The following SFTPC variants were observed in gnomAD, a reference collection of about 807,000 sequenced individuals.
The protein encoded by SFTPC is BRICHOS domain containing 6.
A neutral mutation model predicts 19.9 loss-of-function variants in SFTPC; 12 were observed. The observed-to-expected ratio is 0.60, with a 90% CI of 0.39 to 0.98. SFTPC has a LOEUF of 0.98. Ranked by LOEUF, SFTPC falls within the 50% of genes least tolerant of loss-of-function variation. The pLI, the probability that SFTPC is intolerant of heterozygous loss-of-function variation, is 0.00. For missense variants in SFTPC, 219 were observed against 252.2 expected (o/e 0.87, Z 0.89); for synonymous variants, 123 against 103.3 (o/e 1.19, Z -1.16).
chr8:22,158,108 G>T (rs1156300117), upstream of SFTPC, among the ~76,000 whole-genome samples: 1 of 152,220 alleles, frequency 6.6e-6, no homozygotes, highest in African/African-American at 2.4e-5. Flanking sequence ...GAGCCTGGCT[G>T]TCAGCTGCCT....
chr8:22,161,932 C>A, intron 1 of SFTPC, 62 bp downstream of exon 1: 1 of 1,462,616 alleles, frequency 6.8e-7, no homozygotes, highest in Non-Finnish European at 9.6e-7. Flanking sequence ...ATGGGCCCTG[C>A]CTCCTCTATC....
At chr8:22,161,147 C>A (rs144622012), upstream of SFTPC, among the ~76,000 whole-genome samples, 1 of 152,164 alleles carries the variant, frequency 6.6e-6, no homozygotes, top group East Asian at 1.9e-4. Flanking sequence ...GAGCTTGCCA[C>A]CAGTGGGGAC....
intron 1 of SFTPC, among the ~76,000 whole-genome samples, chr8:22,162,172 G>A (rs1333379418): frequency 1.3e-5 from 2 of 152,130 alleles, no homozygotes; most frequent in African/African-American, 2.4e-5. Flanking sequence ...AACCACATAC[G>A]AGCTGGAGCC....
intron 1 of SFTPC, 135 bp from the exon 2 acceptor site, chr8:22,162,439 A>T (rs936322215): frequency 1.0e-6 from 1 of 961,000 alleles, no homozygotes; most frequent in Non-Finnish European, 1.7e-6. Flanking sequence ...TGATCTCCTC[A>T]GCCCTTCCCT....
At position 22,163,468 on chromosome 8, in the gene SFTPC, C is replaced by A; in HGVS notation, c.357C>A (p.Thr119=). 6.2e-7 allele frequency: 1 copy of A among 1,614,124 alleles called. No homozygotes were observed. Among genetic ancestry groups the A allele is most frequent in the South Asian group, 1.1e-5 (1 of 91,076 alleles). Residue 119 remains threonine (T), a synonymous_variant, in exon 4 of 6, where the codon ACC becomes ACA. Transcript: ENST00000679463. ...TCGCCTACAAGCCAGCCCCTGGCAC[C>A]TGCTGCTACATCATGAAGATAGCTC... The part of the protein sequence containing the change: ...LLIAYKPAPG[T]CCYIMKIAPE...
rs937449391 is a variant in SFTPC, at chr8:22,164,054, G to A, written c.*13G>A. 1 of 1,611,786 alleles carries A rather than the reference G, an allele frequency of 6.2e-7. No homozygotes were observed. The highest frequency in any genetic ancestry group is 1.3e-5 in the African/African-American group (1 of 75,016). ...CTACTACATCTAGGACGCCTCCGGTGAGCAGGTGTGATCCCAGGGCCCCTG... is the reference window on the plus strand; with the variant it reads ...CTACTACATCTAGGACGCCTCCGGTAAGCAGGTGTGATCCCAGGGCCCCTG... On this transcript the variant is annotated 3_prime_UTR_variant, in exon 5 of 6. Coordinates refer to ENST00000679463, the MANE Select transcript of SFTPC (RefSeq NM_001317778.2).
In SFTPC at chr8:22,164,421, G is replaced by A. The variant is rs1139547; in HGVS notation, c.*174G>A. On this transcript the variant is annotated 3_prime_UTR_variant, in exon 6 of 6. Coordinates refer to ENST00000679463, the MANE Select transcript of SFTPC (RefSeq NM_001317778.2). ...GAGGATGGGAGTGGGCAGAGGTGGCGCCCAGGGGCCCGGGAACTCCTGCCA... is the reference window on the plus strand; with the variant it reads ...GAGGATGGGAGTGGGCAGAGGTGGCACCCAGGGGCCCGGGAACTCCTGCCA... The A allele has an allele frequency of 0.3, 447,359 of 1,496,792 alleles. 68,270 individuals are homozygous for A. Among genetic ancestry groups the A allele is most frequent in the East Asian group, 0.32 (12,991 of 40,556 alleles). 92.7% of individuals were successfully genotyped at this position (1,496,792 alleles called of 1,614,324 possible).
At position 22,163,500 on chromosome 8, in the gene SFTPC, G is replaced by A. The variant is rs762396570; in HGVS notation, c.389G>A (p.Ser130Asn). 4 of 1,614,032 alleles carry A rather than the reference G, an allele frequency of 2.5e-6. No individual in the cohort carries two copies. Among genetic ancestry groups the A allele is most frequent in the Non-Finnish European group, 2.5e-6 (3 of 1,179,998 alleles). The change falls in exon 4 of 6, where the codon AGC becomes AAC. Residue 130 changes from serine to asparagine, a missense_variant. Ser to Asn is a conservative substitution (Grantham distance 46). Coordinates refer to ENST00000679463, the MANE Select transcript of SFTPC (RefSeq NM_001317778.2). ...CCYIMKIAPE[S>N]IPSLEALTRK... ...TACATCATGAAGATAGCTCCAGAGA[G>A]CATCCCCAGTCTTGAGGCTCTCACT... is the stretch of plus-strand genomic sequence containing the variant.
upstream of SFTPC, chr8:22,159,553 T>A: frequency 2.7e-6 from 1 of 365,304 alleles, no homozygotes; most frequent in Non-Finnish European, 5.4e-6. Context: ...CAAGCAAAAA[T>A]GGGTTTAAAA....
rs11552817 is a variant in SFTPC, at chr8:22,164,361, C to T, written c.*114C>T. 1 of 1,535,820 alleles carries T rather than the reference C, an allele frequency of 6.5e-7. No homozygotes were observed. The highest frequency in any genetic ancestry group is 8.7e-7 in the Non-Finnish European group (1 of 1,146,754). ...CAAGAAGCTGCTTCTGCCCACACCG[C>T]AGGGACAAGCCCTGGAGAAATGGGA... On this transcript the variant is annotated 3_prime_UTR_variant, in exon 6 of 6. Coordinates refer to ENST00000679463, the MANE Select transcript of SFTPC (RefSeq NM_001317778.2).
rs1438227181 is a variant in SFTPC at position 22,163,441 on chromosome 8, G to A, written c.330G>A (p.Leu110=). The change falls in exon 4 of 6, where the codon CTG becomes CTA. Residue 110 remains leucine, a synonymous_variant. Transcript: ENST00000679463. The stretch of plus-strand genomic sequence containing the variant: ...CTCCAGCATTCTGTGCCTAGCTGCT[G>A]ATCGCCTACAAGCCAGCCCCTGGCA... ...GLVVYDYQQL[L]IAYKPAPGTC... The A allele has an allele frequency of 4.3e-6, 7 of 1,613,548 alleles. No individual in the cohort carries two copies. The South Asian group carries it at 7.7e-5, about 18-fold the overall frequency.
chr8:22,161,606 G>C, upstream of SFTPC: 12 of 1,429,772 alleles, frequency 8.4e-6, no homozygotes, highest in Non-Finnish European at 1.1e-5. Context: ...CTGGGGCCAA[G>C]AGGACTCATG....
At chr8:22,163,321 G>A in intron 3 of SFTPC, 115 bp from the exon 4 acceptor site, 2 of 1,542,392 alleles carry the variant, frequency 1.3e-6, no homozygotes, top group Non-Finnish European at 1.8e-6. Flanking sequence ...TTTTGCCTGA[G>A]CCCCAGATTC....
chr8:22,160,612 C>CAACAA (rs75669198), upstream of SFTPC, among the ~76,000 whole-genome samples: 8,174 of 151,808 alleles, frequency 0.054, 406 homozygotes, highest in Non-Finnish European at 0.068. Context: ...CCCTGTCTCA[C>CAACAA]AACAAAACAA....
rs371998882 is a variant in SFTPC, at chr8:22,162,735, G to A, written c.201+3G>A. On this transcript the variant is annotated splice_donor_region_variant and intron_variant, in intron 2 of 5. Transcript: ENST00000679463. ...TGAGCCAGAAACACACGGAGATGGTGAGAGGTGTGGGATGCACAGCAGTGG... is the reference window on the plus strand; with the variant it reads ...TGAGCCAGAAACACACGGAGATGGTAAGAGGTGTGGGATGCACAGCAGTGG... The A allele has an allele frequency of 4.2e-5, 67 of 1,614,110 alleles. No homozygotes were observed. The highest frequency in any genetic ancestry group is 5.4e-5 in the Non-Finnish European group (64 of 1,180,012).
upstream of SFTPC, among the ~76,000 whole-genome samples, chr8:22,161,504 C>A (rs986998821): frequency 6.6e-6 from 1 of 152,184 alleles, no homozygotes; most frequent in Non-Finnish European, 1.5e-5. Context: ...CAGGTGCCAG[C>A]AAGGAAGGCA....
upstream of SFTPC, among the ~76,000 whole-genome samples, chr8:22,161,051 A>G (rs1563218517): frequency 6.6e-6 from 1 of 152,208 alleles, no homozygotes; most frequent in Non-Finnish European, 1.5e-5. Context: ...AGAAGAAAGC[A>G]GTGTCAGACC....
rs537383138 is a variant in SFTPC, at chr8:22,163,974, G to A, written c.509G>A (p.Gly170Glu). 4.3e-4 allele frequency: 691 copies of A among 1,613,012 alleles called. 6 individuals are homozygous for A. The South Asian group carries it at 7.3e-3, about 17-fold the overall frequency. The change falls in exon 5 of 6, where the codon GGG becomes GAG. Residue 170 changes from glycine (G) to glutamate (E), a missense_variant. Physicochemically the swap from Gly to Glu is moderately conservative, Grantham distance 98. Transcript: ENST00000679463. ...GATGCAGGCTCAGCACCCTCCGGAG[G>A]GGACCCGGCCTTCCTGGGCATGGCC... ...GRDAGSAPSG[G>E]DPAFLGMAVS...
chr8:22,159,772 G>C, upstream of SFTPC: 6 of 1,289,598 alleles, frequency 4.7e-6, no homozygotes, highest in South Asian at 1.2e-5. Flanking sequence ...ATGGCCCCCC[G>C]AGATGCCCAC....
Sources: gnomAD v4.1 joint callset for allele counts (sites outside exome capture counted in the v4.1 genomes callset) on GRCh38, gnomAD v4.1.1 for gene constraint, MANE v1.5 for transcripts, NCBI Gene and HGNC (gene_info 2026-07-23, HGNC 2026-07-21) for gene names.